Variants in IFTAP observed in about 807,000 individuals in gnomAD.
The protein encoded by IFTAP is intraflagellar transport associated protein, also known as intraflagellar transport-associated protein.
In IFTAP, 19 loss-of-function variants were observed where a neutral mutation model predicts 19.4. That is an observed-to-expected ratio of 0.98 (90% CI 0.68 to 1.44). The LOEUF (loss-of-function observed/expected upper bound fraction) is 1.44. Among genes scored for constraint, IFTAP ranks in the 40% most tolerant of loss-of-function variants. The pLI, the probability that IFTAP is intolerant of heterozygous loss-of-function variation, is 0.00. For missense variants in IFTAP, 240 were observed against 253.6 expected (o/e 0.95, Z 0.36); for synonymous variants, 85 against 83.5 (o/e 1.02, Z -0.10).
intron 5 of IFTAP, among the ~76,000 whole-genome samples, chr11:36,656,508 T>G (rs1853994881): frequency 6.6e-6 from 1 of 152,092 alleles, no homozygotes; most frequent in African/African-American, 2.4e-5. Context: ...AGGCGGAGGT[T>G]GCAGTGAGCT....
intron 2 of IFTAP, among the ~76,000 whole-genome samples, chr11:36,617,912 G>T (rs1852150676): frequency 6.6e-6 from 1 of 151,932 alleles, no homozygotes; most frequent in African/African-American, 2.4e-5. Context: ...GGGAGTGAGA[G>T]ATTATTAAAA....
At chr11:36,618,585 A>G (rs919089521) in intron 2 of IFTAP, among the ~76,000 whole-genome samples, 1 of 151,972 alleles carries the variant, frequency 6.6e-6, no homozygotes, top group African/African-American at 2.4e-5. Context: ...AAATGCAGTG[A>G]AAAGAAAAGA....
intron 2 of IFTAP, among the ~76,000 whole-genome samples, chr11:36,615,800 C>G (rs1852059852): frequency 6.6e-6 from 1 of 150,750 alleles, no homozygotes; most frequent in African/African-American, 2.4e-5. Context: ...TGCTTATCAG[C>G]TTAAGGAGAT....
chr11:36,614,165 G>A (rs1404331461), intron 2 of IFTAP, among the ~76,000 whole-genome samples: 4 of 144,858 alleles, frequency 2.8e-5, no homozygotes, highest in Non-Finnish European at 6.0e-5. Flanking sequence ...GAGAATATGC[G>A]GTGTTTGGTT....
intron 2 of IFTAP, among the ~76,000 whole-genome samples, chr11:36,623,921 T>C (rs1009623553): frequency 5.9e-5 from 9 of 152,200 alleles, no homozygotes; most frequent in Admixed American, 2.6e-4. Context: ...GACATCAAAG[T>C]TAAATATTAA....
intron 1 of IFTAP, among the ~76,000 whole-genome samples, chr11:36,607,745 C>G (rs1415494913): frequency 6.6e-6 from 1 of 152,100 alleles, no homozygotes; most frequent in Admixed American, 6.5e-5. Flanking sequence ...GTGATCTGGG[C>G]TCATCGCAAC....
Position 36,610,152 on chromosome 11 carries a change from A to C in IFTAP, c.49A>C (p.Ile17Leu). ...GGAAATAATGGATGAAGATCAATTA[A>C]TCAAAGACGTCTTGGATAAATTCCT... ...GLEIMDEDQL[I>L]KDVLDKFLNC... The change falls in exon 2 of 6, where the codon ATC becomes CTC. Residue 17 changes from isoleucine (I) to leucine (L), a missense_variant. Transcript: ENST00000334307. 2 of 1,612,096 alleles carry C rather than the reference A, an allele frequency of 1.2e-6. No individual in the cohort carries two copies. Among genetic ancestry groups the C allele is most frequent in the Non-Finnish European group, 1.7e-6 (2 of 1,178,290 alleles).
intron 5 of IFTAP, among the ~76,000 whole-genome samples, chr11:36,652,951 A>G (rs1853809784): frequency 6.6e-6 from 1 of 152,142 alleles, no homozygotes; most frequent in African/African-American, 2.4e-5. Flanking sequence ...TGTAGACAGA[A>G]CAAAGAGAGT....
At chr11:36,646,376 G>A (rs970219936) in intron 4 of IFTAP, among the ~76,000 whole-genome samples, 3 of 152,152 alleles carry the variant, frequency 2.0e-5, no homozygotes, top group African/African-American at 7.2e-5. Flanking sequence ...ATTTGTACCA[G>A]TCCTAGGCTG....
At chr11:36,628,532 G>C (rs1209118087) in intron 2 of IFTAP, among the ~76,000 whole-genome samples, 1 of 151,186 alleles carries the variant, frequency 6.6e-6, no homozygotes, top group South Asian at 2.1e-4. Context: ...TAACTTCCTA[G>C]TTTGTAAACT....
chr11:36,616,461 T>C (rs1276461162), intron 2 of IFTAP, among the ~76,000 whole-genome samples: 4 of 151,970 alleles, frequency 2.6e-5, no homozygotes, highest in Non-Finnish European at 5.9e-5. Flanking sequence ...TGAATTGACT[T>C]TCCTATTAGG....
At chr11:36,654,480 T>G (rs1304660520) in intron 5 of IFTAP, among the ~76,000 whole-genome samples, 1 of 152,160 alleles carries the variant, frequency 6.6e-6, no homozygotes, top group African/African-American at 2.4e-5. Flanking sequence ...ATTCTTTATG[T>G]ATTTCTCAAA....
At chr11:36,657,740 C>G (rs930986737) in intron 5 of IFTAP, among the ~76,000 whole-genome samples, 6 of 152,152 alleles carry the variant, frequency 3.9e-5, no homozygotes, top group Non-Finnish European at 5.9e-5. Context: ...AGCAGGGTTG[C>G]TTGAATATCA....
In IFTAP at chr11:36,656,692, G is replaced by A. The variant is rs546995528; in HGVS notation, c.499-2327G>A. On this transcript the variant is annotated intron_variant, in intron 5 of 5. Coordinates refer to ENST00000334307, the MANE Select transcript of IFTAP (RefSeq NM_138787.4). ...ATACTGAAATCATTCCTATACTTTTGTCTTCTCCTTGAAGTTATGAAACCT... is the reference window on the plus strand; with the variant it reads ...ATACTGAAATCATTCCTATACTTTTATCTTCTCCTTGAAGTTATGAAACCT... Among the ~76,000 whole-genome samples, 10 of 151,946 alleles carry A rather than the reference G, an allele frequency of 6.6e-5. No homozygotes were observed. The South Asian group carries it at 2.1e-3, about 32-fold the overall frequency.
intron 1 of IFTAP, among the ~76,000 whole-genome samples, chr11:36,600,241 GA>G (rs1250740720): frequency 1.3e-5 from 2 of 152,186 alleles, no homozygotes; most frequent in African/African-American, 2.4e-5. Context: ...TGGAGAATTA[GA>G]AAAAAAATCA....
Position 36,636,116 on chromosome 11 carries a change from G to A in IFTAP, c.357G>A (p.Glu119=), listed in dbSNP as rs778732110. 22 of 1,605,622 alleles carry A rather than the reference G, an allele frequency of 1.4e-5. No individual in the cohort carries two copies. The highest frequency in any genetic ancestry group is 1.9e-5 in the Non-Finnish European group (22 of 1,172,694). Residue 119 remains glutamate (E), a splice_region_variant and synonymous_variant, in exon 4 of 6, where the codon GAG becomes GAA. Transcript: ENST00000334307. ...AAGAGATTAAACCCCAAATGAGTGA[G>A]GGTATGCTTTCTATTTCCTTTCTAT... ...MDEEIKPQMS[E]DLLLLPGEVE... is the part of the protein sequence containing the mutation.
At chr11:36,653,824 C>T (rs1472569475) in intron 5 of IFTAP, among the ~76,000 whole-genome samples, 10 of 152,138 alleles carry the variant, frequency 6.6e-5, no homozygotes, top group Non-Finnish European at 1.3e-4. Flanking sequence ...CAGTGCCATG[C>T]ATATAGTAGG....
At chr11:36,596,751 A>G (rs946659618) in intron 1 of IFTAP, among the ~76,000 whole-genome samples, 2 of 152,230 alleles carry the variant, frequency 1.3e-5, no homozygotes, top group African/African-American at 4.8e-5. Context: ...TGGATTCCAG[A>G]TCCAAAGGGA....
intron 4 of IFTAP, among the ~76,000 whole-genome samples, chr11:36,638,330 A>C (rs1345902467): frequency 6.6e-6 from 1 of 152,188 alleles, no homozygotes; most frequent in Non-Finnish European, 1.5e-5. Context: ...TCTTACTAGT[A>C]TGATTTTTCC....
Sources: gnomAD v4.1 joint callset for allele counts (sites outside exome capture counted in the v4.1 genomes callset) on GRCh38, gnomAD v4.1.1 for gene constraint, MANE v1.5 for transcripts, NCBI Gene and HGNC (gene_info 2026-07-23, HGNC 2026-07-21) for gene names.